Variants in RAG2 observed in about 807,000 individuals in gnomAD.
RAG2 encodes the protein recombination activating 2, also known as V(D)J recombination-activating protein 2.
In RAG2, 16 loss-of-function variants were observed where a neutral mutation model predicts 31.8. That is an observed-to-expected ratio of 0.50 (90% CI 0.34 to 0.76). The LOEUF (loss-of-function observed/expected upper bound fraction) is 0.76. Ranked by LOEUF, RAG2 falls within the 30% of genes least tolerant of loss-of-function variation. The pLI is 0.01. For missense variants in RAG2, 622 were observed against 628.5 expected (o/e 0.99, Z 0.11); for synonymous variants, 199 against 215.9 (o/e 0.92, Z 0.68).
At position 36,592,404 on chromosome 11, in the gene RAG2, G is replaced by A; in HGVS notation, c.*181C>T. ...GTAAAATATTTTCAAAATGTATAGGGTCTAGAATGACTTTATTTATCATTG... is the reference window on the plus strand; with the variant it reads ...GTAAAATATTTTCAAAATGTATAGGATCTAGAATGACTTTATTTATCATTG... On this transcript the variant is annotated 3_prime_UTR_variant, in exon 2 of 2. Coordinates refer to ENST00000311485, the MANE Select transcript of RAG2 (RefSeq NM_000536.4). 1.3e-6 allele frequency: 1 copy of A among 745,230 alleles called. No homozygotes were observed. The highest frequency in any genetic ancestry group is 2.1e-6 in the Non-Finnish European group (1 of 471,864). The allele number at this position is 745,230 out of a possible 1,614,324, so 46.2% of individuals were successfully genotyped here.
Position 36,592,428 on chromosome 11 carries a change from T to C in RAG2, c.*157A>G. 2.2e-6 allele frequency: 2 copies of C among 900,744 alleles called. No homozygotes were observed. The highest frequency in any genetic ancestry group is 2.8e-5 in the Admixed American group (1 of 35,442). 55.8% of individuals were successfully genotyped at this position (900,744 alleles called of 1,614,324 possible). On this transcript the variant is annotated 3_prime_UTR_variant, in exon 2 of 2. Coordinates refer to ENST00000311485, the MANE Select transcript of RAG2 (RefSeq NM_000536.4). Reference sequence around the variant, plus strand: ...GGTCTAGAATGACTTTATTTATCATTGCATTATAAACACTTTTTTCTGGCC... The same window carrying C: ...GGTCTAGAATGACTTTATTTATCATCGCATTATAAACACTTTTTTCTGGCC...
At chr11:36,596,499 C>T (rs1851263420) in intron 1 of RAG2, among the ~76,000 whole-genome samples, 1 of 152,180 alleles carries the variant, frequency 6.6e-6, no homozygotes, top group Non-Finnish European at 1.5e-5. Flanking sequence ...ATATCATGGC[C>T]TACCCAAGCC....
rs1165754820 is a variant in RAG2, at chr11:36,592,082, C to G, written c.*503G>C. The G allele has an allele frequency of 6.0e-6, 1 of 167,404 alleles. No homozygotes were observed. Among genetic ancestry groups the G allele is most frequent in the Admixed American group, 5.8e-5 (1 of 17,114 alleles). The allele number at this position is 167,404 out of a possible 1,614,324, so 10.4% of individuals were successfully genotyped here. ...TTCATGGGCATAATCCAAAGGGTTG[C>G]TTGAAGGTATATAAAGAACACTAAT... is the stretch of plus-strand genomic sequence containing the variant. On this transcript the variant is annotated 3_prime_UTR_variant, in exon 2 of 2. Coordinates refer to ENST00000311485, the MANE Select transcript of RAG2 (RefSeq NM_000536.4).
At chr11:36,591,512 A>C (rs369466153), downstream of RAG2, among the ~76,000 whole-genome samples, 1 of 151,992 alleles carries the variant, frequency 6.6e-6, no homozygotes, top group African/African-American at 2.4e-5. Context: ...CATTTTAACT[A>C]GTTTCATCCT....
Position 36,593,348 on chromosome 11 carries a change from A to T in RAG2, c.821T>A (p.Val274Asp), listed in dbSNP as rs1209272123. 1 of 1,614,122 alleles carries T rather than the reference A, an allele frequency of 6.2e-7. No individual in the cohort carries two copies. The highest frequency in any genetic ancestry group is 1.3e-5 in the African/African-American group (1 of 75,026). The change falls in exon 2 of 2, where the codon GTT becomes GAT. Residue 274 changes from valine to aspartate, a missense_variant. Physicochemically the swap from Val to Asp is radical, Grantham distance 152. Transcript: ENST00000311485. ...TQTNNDEFVI[V>D]GGYQLENQKR... Reference sequence around the variant, plus strand: ...TTGATTTTCAAGCTGATAGCCACCAACAATAACAAATTCATCATTGTTAGT... The same window carrying T: ...TTGATTTTCAAGCTGATAGCCACCATCAATAACAAATTCATCATTGTTAGT...
chr11:36,597,505 A>G (rs1374631582), intron 1 of RAG2: 2 of 152,164 alleles, frequency 1.3e-5, no homozygotes, highest in African/African-American at 2.4e-5. Flanking sequence ...TCCCAACCCC[A>G]TGCTAACATT....
Position 36,593,256 on chromosome 11 carries a change from G to A in RAG2, c.913C>T (p.Pro305Ser), listed in dbSNP as rs370666759. Residue 305 changes from proline to serine, a missense_variant, in exon 2 of 2, where the codon CCA (proline) becomes TCA (serine). Physicochemically the swap from Pro to Ser is moderately conservative, Grantham distance 74 (BLOSUM62 -1). Transcript: ENST00000311485. ...TGCTTAATGTCTGGGGTCCAATCTG[G>A]GGTCTCCATCTCACGAATTTCTATC... Reference protein sequence around the residue: ...NKIEIREMETPDWTPDIKHSK... With the variant: ...NKIEIREMETSDWTPDIKHSK... 2 of 1,614,136 alleles carry A rather than the reference G, an allele frequency of 1.2e-6. No individual in the cohort carries two copies. The highest frequency in any genetic ancestry group is 1.7e-5 in the Admixed American group (1 of 60,018).
chr11:36,594,560 T>G (rs1011560887), intron 1 of RAG2: 2 of 241,078 alleles, frequency 8.3e-6, no homozygotes, highest in Non-Finnish European at 1.6e-5. Flanking sequence ...AGGGGACTCC[T>G]GGAATGTGTC....
Position 36,593,216 on chromosome 11 carries a change from A to G in RAG2, c.953T>C (p.Phe318Ser). The G allele has an allele frequency of 1.9e-6, 3 of 1,614,162 alleles. No homozygotes were observed. Among genetic ancestry groups the G allele is most frequent in the Non-Finnish European group, 2.5e-6 (3 of 1,180,034 alleles). Residue 318 changes from phenylalanine (F) to serine (S), a missense_variant, in exon 2 of 2, where the codon TTT becomes TCT. Phe to Ser is a radical substitution (Grantham distance 155). Transcript: ENST00000311485. ...AGTTCCATTTCCCATGTTGCTTCCA[A>G]ACCATATCTTGCTGTGCTTAATGTC... Reference protein sequence around the residue: ...TPDIKHSKIWFGSNMGNGTVF... With the variant: ...TPDIKHSKIWSGSNMGNGTVF...
intron 1 of RAG2, chr11:36,594,960 C>T (rs1016613829): frequency 1.3e-5 from 2 of 152,260 alleles, no homozygotes; most frequent in African/African-American, 4.8e-5. Context: ...GTTACAAAAG[C>T]CGTGACTGTC....
downstream of RAG2, among the ~76,000 whole-genome samples, chr11:36,591,551 A>G (rs1048682402): frequency 6.6e-5 from 10 of 151,862 alleles, no homozygotes; most frequent in African/African-American, 2.4e-4. Flanking sequence ...CCTTGGCAAG[A>G]TCACTGATTT....
chr11:36,592,115 G>A lies in RAG2; in HGVS notation c.*470C>T, dbSNP rs1239993993. ...TATATAAAGAACACTAATGTGGGAT[G>A]TAGTAGATCTTGCTTTTAAGTTTTG... On this transcript the variant is annotated 3_prime_UTR_variant, in exon 2 of 2. Transcript: ENST00000311485. The A allele has an allele frequency of 4.9e-5, 10 of 203,148 alleles. No homozygotes were observed. In the South Asian group the frequency reaches 8.4e-4, roughly 17 times the overall value. The allele number at this position is 203,148 out of a possible 1,614,324, so 12.6% of individuals were successfully genotyped here. A position where few individuals can be genotyped will look rare whatever the true frequency, so the allele number is the denominator to read the frequency against.
chr11:36,593,718 T>A lies in RAG2; in HGVS notation c.451A>T (p.Ser151Cys). The A allele has an allele frequency of 6.2e-7, 1 of 1,614,202 alleles. No individual in the cohort carries two copies. Among genetic ancestry groups the A allele is most frequent in the Non-Finnish European group, 8.5e-7 (1 of 1,180,036 alleles). The change falls in exon 2 of 2, where the codon AGT becomes TGT. Residue 151 changes from serine to cysteine, a missense_variant. By Grantham distance (112) the Ser-to-Cys change is moderately radical (BLOSUM62 -1). Transcript: ENST00000311485. ...CGTCCTCCAAAGAGAACACCCATAC[T>A]TTTCCCTCGGCTGTACACCACATTA... is the stretch of plus-strand genomic sequence containing the variant. ...SINVVYSRGK[S>C]MGVLFGGRSY...
At position 36,593,108 on chromosome 11, in the gene RAG2, TCATCTTCAGCA is replaced by T. The variant is rs1851062418; in HGVS notation, c.1050_1060del (p.Cys350Ter). 2 of 1,614,160 alleles carry T rather than the reference TCATCTTCAGCA, an allele frequency of 1.2e-6. No individual in the cohort carries two copies. The highest frequency in any genetic ancestry group is 1.7e-6 in the Non-Finnish European group (2 of 1,179,976). ...GAATGTTGTCTGCTCTTCATTAGTA[TCATCTTCAGCA>T]CATTTCAACATATAGAAATAGAATC... On this transcript the variant is annotated stop_gained and frameshift_variant, in exon 2 of 2. Transcript: ENST00000311485. LOFTEE classifies it high-confidence loss of function.
In RAG2 at chr11:36,593,932, T is replaced by C; in HGVS notation, c.237A>G (p.Thr79=). ...TTTCAGACTCCAAGCTGCCTTTGAA[T>C]GTGCAAGTGGCTGGGTAGCGAAGAG... ...LPPLRYPATC[T]FKGSLESEKH... The change falls in exon 2 of 2, where the codon ACA becomes ACG. Residue 79 remains threonine (T), a synonymous_variant. Coordinates refer to ENST00000311485, the MANE Select transcript of RAG2 (RefSeq NM_000536.4). 1 of 1,614,234 alleles carries C rather than the reference T, an allele frequency of 6.2e-7. No individual in the cohort carries two copies. Among genetic ancestry groups the C allele is most frequent in the Non-Finnish European group, 8.5e-7 (1 of 1,180,038 alleles).
intron 1 of RAG2, 49 bp downstream of exon 1, chr11:36,598,053 A>C (rs1302010274): frequency 6.6e-6 from 1 of 152,104 alleles, no homozygotes; most frequent in Non-Finnish European, 1.5e-5. Flanking sequence ...GTTTACTAAC[A>C]TAGGCTCCCA....
At chr11:36,594,253 A>G in intron 1 of RAG2, 58 bp from the exon 2 acceptor site, 1 of 1,119,738 alleles carries the variant, frequency 8.9e-7, no homozygotes, top group Non-Finnish European at 1.4e-6. Context: ...CATCGTATTT[A>G]GATTCCTTCA....
chr11:36,594,490 C>T (rs1354580774), intron 1 of RAG2: 2 of 373,132 alleles, frequency 5.4e-6, no homozygotes, highest in African/African-American at 2.0e-5. Flanking sequence ...CCACATTTCC[C>T]AAGAATCCGT....
chr11:36,591,588 A>G (rs1162653679), downstream of RAG2, among the ~76,000 whole-genome samples: 2 of 140,772 alleles, frequency 1.4e-5, no homozygotes, highest in East Asian at 4.4e-4. Context: ...AGCAATCTCC[A>G]CATGTTAACT....
Sources: gnomAD v4.1 joint callset for allele counts (sites outside exome capture counted in the v4.1 genomes callset) on GRCh38, gnomAD v4.1.1 for gene constraint, MANE v1.5 for transcripts, NCBI Gene and HGNC (gene_info 2026-07-23, HGNC 2026-07-21) for gene names.